The following NCKAP5 variants were observed in gnomAD, a reference collection of about 807,000 sequenced individuals.
NCKAP5 encodes the protein nck-associated protein 5.
In NCKAP5, 92 loss-of-function variants were observed where a neutral mutation model predicts 167.0. The observed-to-expected ratio is 0.55, with a 90% CI of 0.47 to 0.66. NCKAP5 has a LOEUF of 0.66. NCKAP5 is among the 30% of genes least tolerant of loss of function. NCKAP5 has a pLI of 0.00. For missense variants in NCKAP5, 2,378 were observed against 2,315.0 expected, an observed-to-expected ratio of 1.03 and a Z score of -0.56; for synonymous variants, 891 against 877.4, an observed-to-expected ratio of 1.02 and a Z score of -0.27.
chr2:133,506,124 G>C (rs1302390698), intron 3 of NCKAP5, among the ~76,000 whole-genome samples: 1 of 152,108 alleles, frequency 6.6e-6, no homozygotes, highest in East Asian at 1.9e-4. Flanking sequence ...CACCCTCCCT[G>C]CACCTCAGCA....
intron 3 of NCKAP5, among the ~76,000 whole-genome samples, chr2:133,431,367 T>C (rs1330208994): frequency 6.6e-6 from 1 of 152,190 alleles, no homozygotes; most frequent in African/African-American, 2.4e-5. Flanking sequence ...AATTACTGTA[T>C]GTTGATACAA....
chr2:133,447,678 T>C (rs1691291223), intron 3 of NCKAP5, among the ~76,000 whole-genome samples: 1 of 151,810 alleles, frequency 6.6e-6, no homozygotes, highest in African/African-American at 2.4e-5. Context: ...TTTGTAGAGA[T>C]GGGGTCTCCT....
chr2:133,187,179 G>A (rs2084983756), intron 5 of NCKAP5, among the ~76,000 whole-genome samples: 1 of 151,916 alleles, frequency 6.6e-6, no homozygotes, highest in African/African-American at 2.4e-5. Context: ...TTTAAATAAA[G>A]TTTTTTGTTT....
chr2:132,688,795 G>A (rs1036299586), intron 19 of NCKAP5, among the ~76,000 whole-genome samples: 1 of 151,896 alleles, frequency 6.6e-6, no homozygotes, highest in East Asian at 1.9e-4. Context: ...AGATCACCCT[G>A]GGCAACACGG....
rs1219620207 is a variant in NCKAP5 at position 133,081,082 on chromosome 2, A to G, written c.341+48896T>C. Among the ~76,000 whole-genome samples the G allele has an allele frequency of 3.9e-5, 6 of 152,168 alleles. No individual in the cohort carries two copies. The South Asian group carries it at 6.2e-4, about 16-fold the overall frequency. On this transcript the variant is annotated intron_variant, in intron 6 of 19. Coordinates refer to ENST00000409261, the MANE Select transcript of NCKAP5 (RefSeq NM_207363.3). Reference sequence around the variant, plus strand: ...CGGACTAGCACATCAGAAGCATGCTATGTGGTACAGTATGAAAGCAAAGTG... The same window carrying G: ...CGGACTAGCACATCAGAAGCATGCTGTGTGGTACAGTATGAAAGCAAAGTG...
intron 3 of NCKAP5, among the ~76,000 whole-genome samples, chr2:133,405,731 T>C (rs147849288): frequency 1.3e-5 from 2 of 152,378 alleles, no homozygotes; most frequent in African/African-American, 4.8e-5. Flanking sequence ...ACACTCCAGC[T>C]ATACTGGCCT....
chr2:132,954,752 C>T, intron 8 of NCKAP5: 1 of 447,820 alleles, frequency 2.2e-6, no homozygotes. Context: ...CAATTCCAGC[C>T]ATTTCTGATT....
chr2:133,076,801 G>A (rs1209576122), intron 6 of NCKAP5, among the ~76,000 whole-genome samples: 1 of 152,140 alleles, frequency 6.6e-6, no homozygotes, highest in African/African-American at 2.4e-5. Flanking sequence ...CCACGTACAA[G>A]GAAGCAGAAG....
chr2:133,357,288 G>GACACAC (rs10635907), intron 3 of NCKAP5, among the ~76,000 whole-genome samples: 1,594 of 140,236 alleles, frequency 0.011, 9 homozygotes, highest in East Asian at 0.026. Context: ...CACATACACA[G>GACACAC]ACACACACAC....
At chr2:133,297,713 CA>C (rs1440378008) in intron 4 of NCKAP5, among the ~76,000 whole-genome samples, 5 of 152,186 alleles carry the variant, frequency 3.3e-5, no homozygotes, top group African/African-American at 1.2e-4. Flanking sequence ...GATCAGTCCT[CA>C]AAGGTGGTAG....
rs183984178 is a variant in NCKAP5 at position 132,809,043 on chromosome 2, C to A, written c.808-12314G>T. Among the ~76,000 whole-genome samples, 7 of 152,236 alleles carry A rather than the reference C, an allele frequency of 4.6e-5. No homozygotes were observed. In the East Asian group the frequency reaches 1.3e-3, roughly 29 times the overall value. On this transcript the variant is annotated intron_variant, in intron 11 of 19. Coordinates refer to ENST00000409261, the MANE Select transcript of NCKAP5 (RefSeq NM_207363.3). ...TTTTGACCCAGTGCTCATTCAGGAG[C>A]AGGCTATATCATTTCCACGTATTTG...
intron 7 of NCKAP5, among the ~76,000 whole-genome samples, chr2:132,971,046 C>T (rs1004940305): frequency 2.6e-5 from 4 of 152,214 alleles, no homozygotes; most frequent in Non-Finnish European, 5.9e-5. Flanking sequence ...GCAGTTCCTA[C>T]ATGCTAGGCG....
At chr2:132,725,415 C>T (rs796627364) in intron 19 of NCKAP5, among the ~76,000 whole-genome samples, 12 of 152,322 alleles carry the variant, frequency 7.9e-5, no homozygotes, top group African/African-American at 2.9e-4. Context: ...AAAATCCTTA[C>T]AGACTGCACT....
intron 3 of NCKAP5, among the ~76,000 whole-genome samples, chr2:133,457,213 AAGATT>A (rs1200747065): frequency 6.6e-6 from 1 of 152,212 alleles, no homozygotes; most frequent in African/African-American, 2.4e-5. Flanking sequence ...TATCCAGGCT[AAGATT>A]TCAATGATCT....
chr2:133,147,755 C>T (rs1433133456), intron 5 of NCKAP5, among the ~76,000 whole-genome samples: 1 of 152,032 alleles, frequency 6.6e-6, no homozygotes. Context: ...GTATGTGAAA[C>T]CCCAAAGGAT....
At chr2:132,924,782 T>C (rs1695720137) in intron 8 of NCKAP5, among the ~76,000 whole-genome samples, 1 of 151,966 alleles carries the variant, frequency 6.6e-6, no homozygotes, top group Non-Finnish European at 1.5e-5. Flanking sequence ...ATAAAACCCA[T>C]GCCAAATCAC....
intron 7 of NCKAP5, among the ~76,000 whole-genome samples, chr2:132,967,166 C>CACACACACAA (rs1195447957): frequency 1.6e-4 from 7 of 43,848 alleles, no homozygotes; most frequent in African/African-American, 5.8e-4. Flanking sequence ...CTATCGTACA[C>CACACACACAA]ACACACACAC....
intron 3 of NCKAP5, among the ~76,000 whole-genome samples, chr2:133,441,694 G>C (rs1216102430): frequency 6.6e-6 from 1 of 152,162 alleles, no homozygotes; most frequent in African/African-American, 2.4e-5. Flanking sequence ...TAAATTCTTT[G>C]AAATAGACCT....
chr2:132,878,644 ACACACACACACG>A lies in NCKAP5; in HGVS notation c.648+192_648+203del, dbSNP rs1161202607. Among the ~76,000 whole-genome samples the A allele has an allele frequency of 1.1e-3, 52 of 48,944 alleles. No homozygotes were observed. The East Asian group carries it at 0.069, about 65-fold the overall frequency. The allele number at this position is 48,944 out of a possible 152,430, so 32.1% of individuals were successfully genotyped here. A position where few individuals can be genotyped will look rare whatever the true frequency, so the allele number is the denominator to read the frequency against. ...CACACACACACACACACACACACAC[ACACACACACACG>A]CACGCATACACACACACACACCGCC... On this transcript the variant is annotated intron_variant, in intron 9 of 19. Coordinates refer to ENST00000409261, the MANE Select transcript of NCKAP5 (RefSeq NM_207363.3).
Sources: gnomAD v4.1 joint callset for allele counts (sites outside exome capture counted in the v4.1 genomes callset) on GRCh38, gnomAD v4.1.1 for gene constraint, MANE v1.5 for transcripts, NCBI Gene and HGNC (gene_info 2026-07-23, HGNC 2026-07-21) for gene names.